The following UNC13C variants were observed in gnomAD, a reference collection of about 807,000 sequenced individuals.
UNC13C encodes protein unc-13 homolog C.
In UNC13C, 174 loss-of-function variants were observed where a neutral mutation model predicts 245.4. The observed-to-expected ratio is 0.71, with a 90% confidence interval of 0.63 to 0.80. The LOEUF is 0.80. Ranked by LOEUF, UNC13C falls within the 30% of genes least tolerant of loss-of-function variation. The pLI, the probability that UNC13C is intolerant of heterozygous loss-of-function variation, is 0.00. For synonymous variants in UNC13C, 992 were observed against 895.1 expected (o/e 1.11, Z -1.93); for missense variants, 2,829 against 2,602.9 (o/e 1.09, Z -1.89).
intron 2 of UNC13C, among the ~76,000 whole-genome samples, chr15:54,142,548 A>C (rs557593021): frequency 6.6e-6 from 1 of 152,192 alleles, no homozygotes; most frequent in Non-Finnish European, 1.5e-5. Context: ...ACTTTAATCT[A>C]CAGAGTCATC....
intron 18 of UNC13C, among the ~76,000 whole-genome samples, chr15:54,408,159 C>T (rs1170175031): frequency 7.6e-6 from 1 of 130,754 alleles, no homozygotes; most frequent in Non-Finnish European, 1.5e-5. Flanking sequence ...GAGATGGCGC[C>T]ACTGCACTCC....
Position 54,076,788 on chromosome 15 carries a change from T to G in UNC13C, c.2983+60902T>G, listed in dbSNP as rs529593509. Among the ~76,000 whole-genome samples, 56 of 152,314 alleles carry G rather than the reference T, an allele frequency of 3.7e-4. No homozygotes were observed. In the South Asian group the frequency reaches 7.7e-3, roughly 21 times the overall value. On this transcript the variant is annotated intron_variant, in intron 2 of 32. Coordinates refer to ENST00000260323, the MANE Select transcript of UNC13C (RefSeq NM_001080534.3). The stretch of plus-strand genomic sequence containing the variant: ...AGGTCAGATCCCTGTGGGAGTATTC[T>G]TTGCTGTTAAGTAGGAATAAAGGGG...
intron 17 of UNC13C, among the ~76,000 whole-genome samples, chr15:54,348,448 C>T (rs190004223): frequency 6.5e-4 from 99 of 152,208 alleles, no homozygotes; most frequent in African/African-American, 2.3e-3. Flanking sequence ...GAATTTGTAG[C>T]ATATAACACT....
At chr15:54,619,884 G>C (rs963412044) in intron 30 of UNC13C, among the ~76,000 whole-genome samples, 1 of 152,150 alleles carries the variant, frequency 6.6e-6, no homozygotes, top group Non-Finnish European at 1.5e-5. Flanking sequence ...GTACTAGAGA[G>C]TGGTATAAAC....
chr15:54,521,630 G>T (rs1895218535), intron 24 of UNC13C, among the ~76,000 whole-genome samples: 1 of 152,124 alleles, frequency 6.6e-6, no homozygotes. Context: ...ATGCAGTGTG[G>T]GTATGGTAAC....
chr15:54,353,887 C>T (rs557283562), intron 17 of UNC13C, among the ~76,000 whole-genome samples: 10 of 152,228 alleles, frequency 6.6e-5, no homozygotes, highest in South Asian at 2.1e-4. Flanking sequence ...ACTTGGAGGA[C>T]GCCAACCAAT....
At chr15:54,020,061 C>T (rs1595723775) in intron 2 of UNC13C, among the ~76,000 whole-genome samples, 1 of 152,054 alleles carries the variant, frequency 6.6e-6, no homozygotes, top group East Asian at 1.9e-4. Context: ...AAAAGCTCAC[C>T]TGTGGACAGT....
chr15:53,902,287 A>G, the UNC13C span, among the ~76,000 whole-genome samples: 2 of 152,114 alleles, frequency 1.3e-5, no homozygotes, highest in Admixed American at 1.3e-4. Flanking sequence ...ACCTAGGTAT[A>G]CCTTCCTAGA....
At chr15:54,055,457 G>A (rs1301713027) in intron 2 of UNC13C, among the ~76,000 whole-genome samples, 1 of 152,002 alleles carries the variant, frequency 6.6e-6, no homozygotes, top group African/African-American at 2.4e-5. Context: ...CTTTTTATAT[G>A]CACTGCTACA....
At chr15:54,633,387 G>T (rs574157074), downstream of UNC13C, 1 of 151,990 alleles carries the variant, frequency 6.6e-6, no homozygotes, top group African/African-American at 2.4e-5. Context: ...GAGTATAAAT[G>T]TTACTTTGAG....
intron 27 of UNC13C, among the ~76,000 whole-genome samples, chr15:54,547,758 A>G (rs1896549099): frequency 1.3e-5 from 2 of 152,192 alleles, no homozygotes; most frequent in African/African-American, 2.4e-5. Context: ...TGCTTTAATC[A>G]TTTTATAGCC....
chr15:54,420,524 A>T (rs902695448), intron 19 of UNC13C, among the ~76,000 whole-genome samples: 5 of 151,538 alleles, frequency 3.3e-5, no homozygotes, highest in African/African-American at 7.3e-5. Flanking sequence ...GAGGTGATGA[A>T]CTCTAAGAGT....
intron 4 of UNC13C, among the ~76,000 whole-genome samples, chr15:54,168,698 C>A (rs575940444): frequency 5.3e-5 from 8 of 152,002 alleles, no homozygotes; most frequent in African/African-American, 1.9e-4. Flanking sequence ...AATTCAACAG[C>A]GGTGTGAGGG....
intron 2 of UNC13C, among the ~76,000 whole-genome samples, chr15:54,053,843 T>C (rs1897380062): frequency 6.6e-6 from 1 of 152,142 alleles, no homozygotes; most frequent in Non-Finnish European, 1.5e-5. Flanking sequence ...TCTCCATGCG[T>C]TCAATTGTTT....
At position 54,143,787 on chromosome 15, in the gene UNC13C, G is replaced by A. The variant is rs142299020; in HGVS notation, c.3071+103G>A. On this transcript the variant is annotated intron_variant, in intron 4 of 32. Transcript: ENST00000260323. ...GTGCAAGATGCTGCATGATTAGCTA[G>A]CCTCATTGTTACTTCATTTTACAAT... is the stretch of plus-strand genomic sequence containing the variant. The A allele has an allele frequency of 1.1e-4, 86 of 756,894 alleles. No homozygotes were observed. In the African/African-American group the frequency reaches 1.2e-3, roughly 10 times the overall value. The allele number at this position is 756,894 out of a possible 1,614,324, so 46.9% of individuals were successfully genotyped here. A position where few individuals can be genotyped will look rare whatever the true frequency, so the allele number is the denominator to read the frequency against.
the UNC13C span, among the ~76,000 whole-genome samples, chr15:53,960,279 A>G: frequency 6.6e-6 from 1 of 151,838 alleles, no homozygotes; most frequent in South Asian, 2.1e-4. Flanking sequence ...GAGACTGAGT[A>G]TGACCCTAGA....
chr15:53,871,495 T>C, the UNC13C span, among the ~76,000 whole-genome samples: 1 of 152,204 alleles, frequency 6.6e-6, no homozygotes, highest in Non-Finnish European at 1.5e-5. Flanking sequence ...TCTCTTTTCT[T>C]GTCTTTGGTG....
chr15:54,545,510 C>A (rs1054945216), intron 26 of UNC13C, among the ~76,000 whole-genome samples: 2 of 152,114 alleles, frequency 1.3e-5, no homozygotes, highest in African/African-American at 4.8e-5. Context: ...AGTGAACAGG[C>A]AATCTACAGA....
At chr15:53,963,102 C>T in the UNC13C span, among the ~76,000 whole-genome samples, 3 of 152,116 alleles carry the variant, frequency 2.0e-5, no homozygotes, top group East Asian at 3.9e-4. Context: ...TTTAATGACC[C>T]TTCAGCTGGG....
Sources: gnomAD v4.1 joint callset for allele counts (sites outside exome capture counted in the v4.1 genomes callset) on GRCh38, gnomAD v4.1.1 for gene constraint, MANE v1.5 for transcripts, NCBI Gene and HGNC (gene_info 2026-07-23, HGNC 2026-07-21) for gene names.